The following DENND5B variants were observed in gnomAD, a reference collection of about 807,000 sequenced individuals.
DENND5B encodes the protein DENN domain-containing protein 5B.
Under a neutral mutation model 140.6 loss-of-function variants are expected in DENND5B, and 34 were observed. That is an observed-to-expected ratio of 0.24 (90% CI 0.18 to 0.32). DENND5B has a LOEUF of 0.32. Ranked by LOEUF, DENND5B falls within the 10% of genes least tolerant of loss-of-function variation. The pLI is 1.00. For synonymous variants in DENND5B, 551 were observed against 562.1 expected (o/e 0.98, Z 0.28); for missense variants, 1,142 against 1,560.2 (o/e 0.73, Z 4.52).
At chr12:31,569,289 G>A (rs1409861652) in intron 1 of DENND5B, among the ~76,000 whole-genome samples, 1 of 151,944 alleles carries the variant, frequency 6.6e-6, no homozygotes, top group African/African-American at 2.4e-5. Context: ...GGCTGGTCTC[G>A]AACTCCTGAG....
At chr12:31,443,283 C>G (rs1387765619) in intron 6 of DENND5B, among the ~76,000 whole-genome samples, 1 of 152,164 alleles carries the variant, frequency 6.6e-6, no homozygotes, top group Non-Finnish European at 1.5e-5. Flanking sequence ...TCATGTTGCT[C>G]AGGCTGGTCT....
intron 1 of DENND5B, among the ~76,000 whole-genome samples, chr12:31,541,810 A>G (rs976999830): frequency 3.3e-5 from 5 of 152,228 alleles, no homozygotes; most frequent in Non-Finnish European, 7.3e-5. Flanking sequence ...GTGTCCATCA[A>G]CAGATGAATG....
At chr12:31,409,777 C>A (rs1234576006) in intron 13 of DENND5B, among the ~76,000 whole-genome samples, 3 of 152,076 alleles carry the variant, frequency 2.0e-5, no homozygotes, top group African/African-American at 7.2e-5. Context: ...CCATGCCCGG[C>A]CATTTTTTTT....
rs1411136412 is a variant in DENND5B, at chr12:31,437,050, C to T, written c.2013-3802G>A. ...TATCTATCACAGAGTATTATAGTTA[C>T]TTATCTCCATTTTCTATAAAATCTC... is the stretch of plus-strand genomic sequence containing the variant. On this transcript the variant is annotated intron_variant, in intron 7 of 20. Coordinates refer to ENST00000389082, the MANE Select transcript of DENND5B (RefSeq NM_144973.4). Among the ~76,000 whole-genome samples the T allele has an allele frequency of 2.0e-5, 3 of 152,156 alleles. No individual in the cohort carries two copies. In the East Asian group the frequency reaches 5.8e-4, roughly 29 times the overall value.
At chr12:31,515,189 G>A (rs1038333728) in intron 1 of DENND5B, among the ~76,000 whole-genome samples, 2 of 152,048 alleles carry the variant, frequency 1.3e-5, no homozygotes, top group African/African-American at 4.8e-5. Flanking sequence ...TCTGCAGTCC[G>A]AGCTATTTGG....
At chr12:31,517,967 G>C (rs544463332) in intron 1 of DENND5B, among the ~76,000 whole-genome samples, 9 of 152,290 alleles carry the variant, frequency 5.9e-5, no homozygotes, top group Non-Finnish European at 1.2e-4. Context: ...TGAGAAAGTG[G>C]GGGCTCCTTC....
chr12:31,467,281 G>T (rs1400466098), intron 3 of DENND5B, among the ~76,000 whole-genome samples: 1 of 152,074 alleles, frequency 6.6e-6, no homozygotes, highest in Admixed American at 6.6e-5. Flanking sequence ...GAAGAAGACT[G>T]ATCTCAAAAG....
At chr12:31,587,900 G>A (rs1292302478) in intron 1 of DENND5B, among the ~76,000 whole-genome samples, 1 of 152,028 alleles carries the variant, frequency 6.6e-6, no homozygotes, top group Non-Finnish European at 1.5e-5. Flanking sequence ...CTCTACCCCT[G>A]CCCTGATATA....
chr12:31,415,366 C>G lies in DENND5B; in HGVS notation c.2552+1G>C, dbSNP rs1942676421. The G allele has an allele frequency of 6.2e-7, 1 of 1,603,702 alleles. No individual in the cohort carries two copies. Among genetic ancestry groups the G allele is most frequent in the African/African-American group, 1.3e-5 (1 of 74,604 alleles). On this transcript the variant is annotated splice_donor_variant, in intron 12 of 20. Coordinates refer to ENST00000389082, the MANE Select transcript of DENND5B (RefSeq NM_144973.4). LOFTEE classifies it high-confidence loss of function. ...CTAACACATGTATTAATAACAAATA[C>G]CTCATGTCCTGAATAAGAGAGACCC...
At chr12:31,581,276 T>C (rs1382238761) in intron 1 of DENND5B, among the ~76,000 whole-genome samples, 1 of 152,220 alleles carries the variant, frequency 6.6e-6, no homozygotes, top group East Asian at 1.9e-4. Context: ...TCATCCATAC[T>C]ACAGTAATAA....
intron 3 of DENND5B, among the ~76,000 whole-genome samples, chr12:31,471,461 ATTTTTT>A (rs747862984): frequency 8.9e-6 from 1 of 111,934 alleles, no homozygotes; most frequent in African/African-American, 3.5e-5. Flanking sequence ...CCATGCCTGT[ATTTTTT>A]TTTTTTTTTT....
intron 13 of DENND5B, among the ~76,000 whole-genome samples, chr12:31,410,931 GAAGAA>G (rs1261085052): frequency 6.6e-6 from 1 of 152,056 alleles, no homozygotes; most frequent in African/African-American, 2.4e-5. Flanking sequence ...AACATGCATA[GAAGAA>G]AAGTACAGAA....
intron 1 of DENND5B, among the ~76,000 whole-genome samples, chr12:31,510,186 A>AT (rs1204494616): frequency 6.6e-6 from 1 of 152,078 alleles, no homozygotes. Flanking sequence ...ATTATTTCAC[A>AT]TTTTCCATGA....
chr12:31,382,899 A>C lies in DENND5B; in HGVS notation c.*4704T>G, dbSNP rs916594242. 6.6e-6 allele frequency: 1 copy of C among 152,132 alleles called. No homozygotes were observed. Among genetic ancestry groups the C allele is most frequent in the Non-Finnish European group, 1.5e-5 (1 of 68,020 alleles). 9.4% of individuals were successfully genotyped at this position (152,132 alleles called of 1,614,324 possible). On this transcript the variant is annotated 3_prime_UTR_variant, in exon 21 of 21. Transcript: ENST00000389082. ...ATTCAGTTGATTCAAGGGATTTATAAATTTATTTTAATAGGAATAAAGGAC... is the reference window on the plus strand; with the variant it reads ...ATTCAGTTGATTCAAGGGATTTATACATTTATTTTAATAGGAATAAAGGAC...
intron 1 of DENND5B, among the ~76,000 whole-genome samples, chr12:31,578,610 G>C (rs1181933978): frequency 6.6e-6 from 1 of 152,180 alleles, no homozygotes; most frequent in East Asian, 1.9e-4. Flanking sequence ...AATATCATTA[G>C]AGGGAAGACC....
At chr12:31,589,190 G>C (rs973848721) in intron 1 of DENND5B, among the ~76,000 whole-genome samples, 10 of 152,174 alleles carry the variant, frequency 6.6e-5, no homozygotes, top group Non-Finnish European at 7.3e-5. Context: ...GATCTTTAGG[G>C]AAGAAAGGAG....
rs372668455 is a variant in DENND5B, at chr12:31,433,202, G to A, written c.2059C>T (p.Leu687Phe). 34 of 1,613,816 alleles carry A rather than the reference G, an allele frequency of 2.1e-5. No homozygotes were observed. The African/African-American group carries it at 3.2e-4, about 15-fold the overall frequency. Reference protein sequence around the residue: ...SATAQRRKERLRQHSEHVGLD... With the variant: ...SATAQRRKERFRQHSEHVGLD... ...CCAACATGCTCAGAATGCTGGCGAA[G>A]GCGTTCTTTCCTGCGCTGTGCAGTG... The change falls in exon 8 of 21, where the codon CTT becomes TTT. Residue 687 changes from leucine (L) to phenylalanine (F), a missense_variant. Physicochemically the swap from Leu to Phe is conservative, Grantham distance 22. Transcript: ENST00000389082.
At chr12:31,388,413 A>G (rs59726187) in intron 20 of DENND5B, among the ~76,000 whole-genome samples, 1,958 of 152,286 alleles carry the variant, frequency 0.013, 37 homozygotes, top group African/African-American at 0.044. Flanking sequence ...GCACAGCTAA[A>G]ACTGGGCTCC....
Position 31,387,276 on chromosome 12 carries a change from C to G in DENND5B, c.*327G>C, listed in dbSNP as rs757600476. 13 of 187,104 alleles carry G rather than the reference C, an allele frequency of 6.9e-5. No individual in the cohort carries two copies. The highest frequency in any genetic ancestry group is 1.2e-4 in the Admixed American group (2 of 17,108). 11.6% of individuals were successfully genotyped at this position (187,104 alleles called of 1,614,324 possible). A position where few individuals can be genotyped will look rare whatever the true frequency, so the allele number is the denominator to read the frequency against. ...TTCCTGGCTAGCACCACTCTTCCCCCCAACCCCCAACATTTTTAAGCTACT... is the reference window on the plus strand; with the variant it reads ...TTCCTGGCTAGCACCACTCTTCCCCGCAACCCCCAACATTTTTAAGCTACT... On this transcript the variant is annotated 3_prime_UTR_variant, in exon 21 of 21. Coordinates refer to ENST00000389082, the MANE Select transcript of DENND5B (RefSeq NM_144973.4).
Sources: gnomAD v4.1 joint callset for allele counts (sites outside exome capture counted in the v4.1 genomes callset) on GRCh38, gnomAD v4.1.1 for gene constraint, MANE v1.5 for transcripts, NCBI Gene and HGNC (gene_info 2026-07-23, HGNC 2026-07-21) for gene names.